The following PTPRT variants were observed in gnomAD, a reference collection of about 807,000 sequenced individuals.
PTPRT encodes the protein protein tyrosine phosphatase receptor type T.
Under a neutral mutation model 176.8 loss-of-function variants are expected in PTPRT, and 56 were observed. The ratio of observed to expected loss-of-function variants is 0.32; its 90% CI spans 0.26 to 0.40. PTPRT has a LOEUF of 0.40. Among genes scored for constraint, PTPRT ranks in the 10% least tolerant of loss-of-function variants. PTPRT has a pLI of 1.00. For missense variants in PTPRT, 1,540 were observed against 1,908.2 expected (o/e 0.81, Z 3.60); for synonymous variants, 783 against 739.0 (o/e 1.06, Z -0.96).
chr20:42,856,764 A>C (rs1404396009), intron 2 of PTPRT, among the ~76,000 whole-genome samples: 1 of 152,130 alleles, frequency 6.6e-6, no homozygotes, highest in Non-Finnish European at 1.5e-5. Flanking sequence ...GACAATAAAA[A>C]CCAAGTTCAC....
chr20:43,024,589 C>CAAAAAAAAAAAAAAAAAAAAA (rs34972558), intron 1 of PTPRT, among the ~76,000 whole-genome samples: 1 of 81,412 alleles, frequency 1.2e-5, no homozygotes, highest in Non-Finnish European at 2.7e-5. Context: ...GACTCCATCT[C>CAAAAAAAAAAAAAAAAAAAAA]AAAAAAAAAA....
At chr20:42,664,006 G>T (rs1265427666) in intron 7 of PTPRT, among the ~76,000 whole-genome samples, 1 of 152,062 alleles carries the variant, frequency 6.6e-6, no homozygotes, top group Non-Finnish European at 1.5e-5. Flanking sequence ...CTCTTAACAT[G>T]CTGTACCAGT....
At chr20:43,097,902 A>T (rs2012232695) in intron 1 of PTPRT, among the ~76,000 whole-genome samples, 1 of 152,122 alleles carries the variant, frequency 6.6e-6, no homozygotes, top group Admixed American at 6.5e-5. Flanking sequence ...TGTTACATGA[A>T]AATCAGCTTA....
At chr20:43,097,259 T>C (rs1201627569) in intron 1 of PTPRT, among the ~76,000 whole-genome samples, 1 of 152,192 alleles carries the variant, frequency 6.6e-6, no homozygotes, top group East Asian at 1.9e-4. Flanking sequence ...CTGTCATTTC[T>C]GGGCAGTGTA....
At chr20:42,118,898 TG>T (rs767785873) in intron 20 of PTPRT, among the ~76,000 whole-genome samples, 1 of 147,122 alleles carries the variant, frequency 6.8e-6, no homozygotes, top group East Asian at 2.0e-4. Context: ...GCAACTGGGG[TG>T]GGGGGTGGAG....
chr20:42,193,516 T>C (rs752143712), intron 16 of PTPRT, among the ~76,000 whole-genome samples: 34 of 152,350 alleles, frequency 2.2e-4, no homozygotes, highest in African/African-American at 4.8e-4. Flanking sequence ...GAGAGCCTTA[T>C]TTGCTTCTAA....
chr20:42,545,917 A>G (rs1427772160), intron 7 of PTPRT, among the ~76,000 whole-genome samples: 3 of 152,210 alleles, frequency 2.0e-5, no homozygotes, highest in Non-Finnish European at 4.4e-5. Context: ...TATTGTTTAT[A>G]TCTCAGATAG....
At chr20:42,053,781 G>T in the PTPRT span, among the ~76,000 whole-genome samples, 1 of 152,226 alleles carries the variant, frequency 6.6e-6, no homozygotes, top group South Asian at 2.1e-4. Flanking sequence ...TTGCATATTC[G>T]GTTAGCATTT....
At chr20:42,624,481 A>G (rs970044810) in intron 7 of PTPRT, among the ~76,000 whole-genome samples, 1 of 152,198 alleles carries the variant, frequency 6.6e-6, no homozygotes, top group African/African-American at 2.4e-5. Flanking sequence ...CAAACTATTG[A>G]AAAAAATTAA....
intron 7 of PTPRT, among the ~76,000 whole-genome samples, chr20:42,633,147 A>C (rs1259729400): frequency 6.6e-6 from 1 of 152,148 alleles, no homozygotes; most frequent in African/African-American, 2.4e-5. Context: ...CCTCTAGCTT[A>C]CACTGAACAT....
In PTPRT at chr20:42,197,491, G is replaced by A. The variant is rs565891314; in HGVS notation, c.2491+1749C>T. On this transcript the variant is annotated intron_variant, in intron 16 of 30. Transcript: ENST00000373187. The stretch of plus-strand genomic sequence containing the variant: ...GCTGAAAACCAAATACAATGTGAGC[G>A]CTCTGATTGGATCCTGGATTAAAAT... Among the ~76,000 whole-genome samples the A allele has an allele frequency of 1.2e-4, 18 of 151,340 alleles. No homozygotes were observed. The South Asian group carries it at 3.4e-3, about 28-fold the overall frequency.
intron 1 of PTPRT, among the ~76,000 whole-genome samples, chr20:43,071,231 T>G (rs1380940730): frequency 6.6e-6 from 1 of 151,806 alleles, no homozygotes; most frequent in Non-Finnish European, 1.5e-5. Context: ...TAGAGCAGGG[T>G]TCTCAAAATG....
chr20:43,140,982 C>T (rs974260692), intron 1 of PTPRT, among the ~76,000 whole-genome samples: 5 of 152,138 alleles, frequency 3.3e-5, no homozygotes, highest in South Asian at 2.1e-4. Context: ...AGACTCTCTC[C>T]AAACTTAGAA....
At chr20:42,589,087 A>G (rs1382083520) in intron 7 of PTPRT, among the ~76,000 whole-genome samples, 1 of 152,212 alleles carries the variant, frequency 6.6e-6, no homozygotes, top group Non-Finnish European at 1.5e-5. Flanking sequence ...CCCACAGGGA[A>G]GAAACATGCC....
chr20:42,632,913 T>C (rs1159383212), intron 7 of PTPRT, among the ~76,000 whole-genome samples: 1 of 152,048 alleles, frequency 6.6e-6, no homozygotes, highest in African/African-American at 2.4e-5. Flanking sequence ...CACATCACAG[T>C]ATGTACCTAT....
At chr20:42,184,662 CTG>C (rs1319389375) in intron 16 of PTPRT, among the ~76,000 whole-genome samples, 1 of 148,730 alleles carries the variant, frequency 6.7e-6, no homozygotes, top group East Asian at 2.0e-4. Context: ...GAGTTTCACT[CTG>C]TTGCCCAGGT....
At chr20:42,245,177 G>A (rs2056427063) in intron 14 of PTPRT, among the ~76,000 whole-genome samples, 1 of 152,230 alleles carries the variant, frequency 6.6e-6, no homozygotes, top group African/African-American at 2.4e-5. Context: ...CCACTATCTA[G>A]TGACAGCAGA....
intron 9 of PTPRT, among the ~76,000 whole-genome samples, chr20:42,398,233 C>T (rs535307410): frequency 6.6e-6 from 1 of 152,034 alleles, no homozygotes; most frequent in South Asian, 2.1e-4. Context: ...TAGATGTGTA[C>T]AAATCTGATT....
chr20:42,861,680 G>C (rs184638032), intron 2 of PTPRT, among the ~76,000 whole-genome samples: 1 of 151,916 alleles, frequency 6.6e-6, no homozygotes, highest in East Asian at 1.9e-4. Flanking sequence ...AGAGTGTCTG[G>C]ATAAAACAAA....
Sources: gnomAD v4.1 joint callset for allele counts (sites outside exome capture counted in the v4.1 genomes callset) on GRCh38, gnomAD v4.1.1 for gene constraint, MANE v1.5 for transcripts, NCBI Gene and HGNC (gene_info 2026-07-23, HGNC 2026-07-21) for gene names.